DPEP1: variants seen among roughly 807,000 people sequenced by gnomAD.
The protein encoded by DPEP1 is dipeptidase 1.
DPEP1 carries 50 observed loss-of-function variants against 42.3 expected under a neutral mutation model. The ratio of observed to expected loss-of-function variants is 1.18; its 90% CI spans 0.94 to 1.50. The LOEUF is 1.50. DPEP1 is among the 40% of genes most tolerant of loss of function. The probability of loss-of-function intolerance (pLI) is 0.00; values close to 1 mark genes in which losing one functional copy is unlikely to be tolerated. For missense variants in DPEP1, 663 were observed against 553.0 expected (o/e 1.20, Z -1.99); for synonymous variants, 297 against 234.0 (o/e 1.27, Z -2.46).
intron 2 of DPEP1, among the ~76,000 whole-genome samples, chr16:89,635,691 G>T (rs1220972127): frequency 6.6e-6 from 1 of 152,202 alleles, no homozygotes; most frequent in African/African-American, 2.4e-5. Flanking sequence ...TCCTGGCTCG[G>T]GGTTCCCTGC....
chr16:89,614,791 T>G (rs2059366513), intron 1 of DPEP1, among the ~76,000 whole-genome samples: 1 of 152,184 alleles, frequency 6.6e-6, no homozygotes, highest in East Asian at 1.9e-4. Context: ...CGAGACTCCG[T>G]ATCCAAAAAA....
rs757083560 is a variant in DPEP1, at chr16:89,630,392, G to T, written c.-19G>T. The T allele has an allele frequency of 6.2e-7, 1 of 1,605,254 alleles. No homozygotes were observed. The highest frequency in any genetic ancestry group is 1.1e-5 in the South Asian group (1 of 90,458). On this transcript the variant is annotated 5_prime_UTR_variant, in exon 2 of 11. The change creates a new upstream start codon in the 5' untranslated region. Coordinates refer to ENST00000690203, the MANE Select transcript of DPEP1 (RefSeq NM_001389466.1). ...AGGCACCAGGGCAGCAGTGCACACA[G>T]GTCCCCGGGGACCCCACCATGTGGA...
At chr16:89,625,840 A>G (rs1416075442) in intron 1 of DPEP1, among the ~76,000 whole-genome samples, 1 of 152,188 alleles carries the variant, frequency 6.6e-6, no homozygotes, top group Non-Finnish European at 1.5e-5. Flanking sequence ...TGACAGACGA[A>G]GAGACTGAGG....
At chr16:89,617,123 C>G (rs1214242353) in intron 1 of DPEP1, among the ~76,000 whole-genome samples, 1 of 152,106 alleles carries the variant, frequency 6.6e-6, no homozygotes, top group East Asian at 1.9e-4. Context: ...CAGGGAATTG[C>G]TTGGCCAGGG....
At position 89,636,552 on chromosome 16, in the gene DPEP1, G is replaced by C; in HGVS notation, c.390G>C (p.Arg130=). 6.2e-7 allele frequency: 1 copy of C among 1,612,506 alleles called. No homozygotes were observed. The highest frequency in any genetic ancestry group is 8.5e-7 in the Non-Finnish European group (1 of 1,179,924). Residue 130 remains arginine (R), a synonymous_variant, in exon 5 of 11, where the codon CGG becomes CGC. Coordinates refer to ENST00000690203, the MANE Select transcript of DPEP1 (RefSeq NM_001389466.1). ...CCGCAGGCATTCGGCAGGCCTTCCG[G>C]GAAGGGAAGGTGGCCAGCCTGATCG... ...TSSAGIRQAF[R]EGKVASLIGV...
At chr16:89,616,210 G>C (rs1343579820) in intron 1 of DPEP1, among the ~76,000 whole-genome samples, 2 of 152,182 alleles carry the variant, frequency 1.3e-5, no homozygotes, top group African/African-American at 4.8e-5. Context: ...TGTGGGGATA[G>C]GGCTCAGAGC....
At chr16:89,614,650 CCGGGCGTGGTGG>C (rs2059364127) in intron 1 of DPEP1, among the ~76,000 whole-genome samples, 2 of 152,132 alleles carry the variant, frequency 1.3e-5, no homozygotes, top group African/African-American at 4.8e-5. Flanking sequence ...AAAAAATTAG[CCGGGCGTGGTGG>C]CGGGCGCCTG....
At chr16:89,619,998 C>T (rs1036646410) in intron 1 of DPEP1, among the ~76,000 whole-genome samples, 3 of 146,200 alleles carry the variant, frequency 2.1e-5, no homozygotes, top group African/African-American at 5.1e-5. Context: ...GGCCTCCCCC[C>T]GCCTGCTTGA....
chr16:89,635,244 G>A lies in DPEP1; in HGVS notation c.105-664G>A, dbSNP rs73265355. Among the ~76,000 whole-genome samples, 467 of 136,134 alleles carry A rather than the reference G, an allele frequency of 3.4e-3. 15 individuals carry two copies. Among genetic ancestry groups the A allele is most frequent in the African/African-American group, 0.014 (443 of 31,072 alleles). The allele number at this position is 136,134 out of a possible 152,430, so 89.3% of individuals were successfully genotyped here. On this transcript the variant is annotated intron_variant, in intron 2 of 10. Transcript: ENST00000690203. The stretch of plus-strand genomic sequence containing the variant: ...CCCCTTCCTTCTCATTTTTCCTCAC[G>A]AGAGCTCCTACCCTCACCACCACCA...
rs989724193 is a variant in DPEP1, at chr16:89,627,357, C to T, written c.-106-2948C>T. On this transcript the variant is annotated intron_variant, in intron 1 of 10. Transcript: ENST00000690203. The stretch of plus-strand genomic sequence containing the variant: ...CAGCACTGTGGGAGGCCGAGGAGGG[C>T]ACATTATTTTAGGTCAGGAGTTCAA... Among the ~76,000 whole-genome samples the T allele has an allele frequency of 4.0e-5, 6 of 150,944 alleles. No homozygotes were observed. In the South Asian group the frequency reaches 1.0e-3, roughly 26 times the overall value.
intron 1 of DPEP1, among the ~76,000 whole-genome samples, chr16:89,624,533 G>A (rs1272575350): frequency 7.8e-6 from 1 of 128,140 alleles, no homozygotes; most frequent in Non-Finnish European, 1.9e-5. Context: ...GTTTTCTGGG[G>A]TTTGTTTTTT....
intron 1 of DPEP1, among the ~76,000 whole-genome samples, chr16:89,625,730 G>C (rs1020048984): frequency 6.6e-6 from 1 of 152,352 alleles, no homozygotes; most frequent in Non-Finnish European, 1.5e-5. Flanking sequence ...GAAAAGACAG[G>C]TGTAAGGTGA....
At chr16:89,638,587 C>A, downstream of DPEP1, 1 of 802,686 alleles carries the variant, frequency 1.2e-6, no homozygotes, top group Non-Finnish European at 1.6e-6. Flanking sequence ...TTTGTAGAGA[C>A]ACTGCTTGAG....
At chr16:89,638,540 G>A (rs915980848), downstream of DPEP1, 2 of 1,139,454 alleles carry the variant, frequency 1.8e-6, no homozygotes, top group Non-Finnish European at 2.2e-6. Flanking sequence ...CGAGTCTTCG[G>A]TCCAGGCCAG....
intron 2 of DPEP1, among the ~76,000 whole-genome samples, chr16:89,630,996 A>C (rs1022351546): frequency 6.6e-6 from 1 of 152,022 alleles, no homozygotes; most frequent in African/African-American, 2.4e-5. Context: ...AGGCAAGGCC[A>C]CACTCCCTGG....
chr16:89,638,078 G>C lies in DPEP1; in HGVS notation c.1092G>C (p.Glu364Asp), dbSNP rs199909597. The change falls in exon 11 of 11, where the codon GAG becomes GAC. Residue 364 changes from glutamate (E) to aspartate (D), a missense_variant. By Grantham distance (45) the Glu-to-Asp change is conservative (BLOSUM62 2). Coordinates refer to ENST00000690203, the MANE Select transcript of DPEP1 (RefSeq NM_001389466.1). ...EQASNLTQAP[E>D]EEPIPLDQLG... ...CCAGCAACCTCACACAGGCTCCCGA[G>C]GAGGAGCCCATCCCGCTGGACCAGC... The C allele has an allele frequency of 1.4e-5, 23 of 1,612,262 alleles. No homozygotes were observed. The highest frequency in any genetic ancestry group is 6.7e-5 in the East Asian group (3 of 44,876).
rs1218074962 is a variant in DPEP1 at position 89,638,327 on chromosome 16, C to T, written c.*105C>T. 1 of 1,440,114 alleles carries T rather than the reference C, an allele frequency of 6.9e-7. No individual in the cohort carries two copies. Among genetic ancestry groups the T allele is most frequent in the Non-Finnish European group, 9.1e-7 (1 of 1,099,708 alleles). The allele number at this position is 1,440,114 out of a possible 1,614,324, so 89.2% of individuals were successfully genotyped here. On this transcript the variant is annotated 3_prime_UTR_variant, in exon 11 of 11. Transcript: ENST00000690203. ...AGCCCTGCTGCCCACATGCAAGGAC[C>T]AGCATCTCCTGAGAGGACGCCTGGG...
At chr16:89,624,842 G>A (rs2059488473) in intron 1 of DPEP1, among the ~76,000 whole-genome samples, 1 of 152,104 alleles carries the variant, frequency 6.6e-6, no homozygotes, top group African/African-American at 2.4e-5. Context: ...CCAGTTTTCT[G>A]GGTCTTAAGG....
intron 1 of DPEP1, among the ~76,000 whole-genome samples, chr16:89,618,942 C>A (rs1387515051): frequency 9.7e-6 from 1 of 102,830 alleles, no homozygotes; most frequent in African/African-American, 4.5e-5. Context: ...AGCTCCCTGC[C>A]CCCCTGCTCC....
Sources: gnomAD v4.1 joint callset for allele counts (sites outside exome capture counted in the v4.1 genomes callset) on GRCh38, gnomAD v4.1.1 for gene constraint, MANE v1.5 for transcripts, NCBI Gene and HGNC (gene_info 2026-07-23, HGNC 2026-07-21) for gene names.